The following NDC80 variants were observed in gnomAD, a reference collection of about 807,000 sequenced individuals.
NDC80 encodes the protein NDC80 kinetochore complex component, also known as kinetochore protein NDC80 homolog.
A neutral mutation model predicts 89.3 loss-of-function variants in NDC80; 69 were observed. The observed-to-expected ratio is 0.77, with a 90% confidence interval of 0.64 to 0.94. NDC80 has a LOEUF of 0.94. Among genes scored for constraint, NDC80 ranks in the 40% least tolerant of loss-of-function variants. The pLI, the probability that NDC80 is intolerant of heterozygous loss-of-function variation, is 0.00. For missense variants in NDC80, 593 were observed against 739.6 expected (o/e 0.80, Z 2.30); for synonymous variants, 243 against 255.6 (o/e 0.95, Z 0.47).
chr18:2,605,124 A>G (rs931000794), intron 13 of NDC80, among the ~76,000 whole-genome samples: 2 of 152,164 alleles, frequency 1.3e-5, no homozygotes, highest in Admixed American at 1.3e-4. Context: ...GCAGATGGGT[A>G]TGTGGTGATG....
At chr18:2,592,750 C>T (rs558066382) in intron 10 of NDC80, among the ~76,000 whole-genome samples, 1 of 152,198 alleles carries the variant, frequency 6.6e-6, no homozygotes, top group South Asian at 2.1e-4. Context: ...CATGAATTTG[C>T]TTTAAGTTCA....
intron 13 of NDC80, among the ~76,000 whole-genome samples, chr18:2,605,308 GTGTGTGTGTGTGTGTGTGTGTA>G (rs1376937633): frequency 4.1e-5 from 6 of 146,222 alleles, no homozygotes; most frequent in African/African-American, 1.6e-4. Context: ...GTGTGTGTGT[GTGTGTGTGTGTGTGTGTGTGTA>G]TGTACACAAT....
chr18:2,615,353 G>A (rs937531574), intron 16 of NDC80: 17 of 152,214 alleles, frequency 1.1e-4, no homozygotes, highest in Admixed American at 2.0e-4. Flanking sequence ...TAATCTTTCT[G>A]GGGCCTTTGC....
intron 6 of NDC80, among the ~76,000 whole-genome samples, chr18:2,580,161 T>G (rs2072569028): frequency 6.6e-6 from 1 of 152,112 alleles, no homozygotes. Flanking sequence ...CAGCTAATTT[T>G]TTCTTATTTA....
chr18:2,595,726 G>A, intron 11 of NDC80, 105 bp downstream of exon 11: 1 of 821,244 alleles, frequency 1.2e-6, no homozygotes, highest in South Asian at 1.9e-5. Context: ...GGCTTAAGAG[G>A]TAAAACATTA....
At chr18:2,577,689 T>G in intron 3 of NDC80, 57 bp from the exon 4 acceptor site, 5 of 1,590,458 alleles carry the variant, frequency 3.1e-6, no homozygotes, top group Non-Finnish European at 4.3e-6. Context: ...TGAAATAATT[T>G]AGACTTGATC....
At chr18:2,582,480 T>G (rs947103173) in intron 6 of NDC80, 7 of 152,366 alleles carry the variant, frequency 4.6e-5, no homozygotes, top group Middle Eastern at 6.8e-3. Flanking sequence ...CCATGGTGAT[T>G]ATTACTAAAA....
chr18:2,597,841 C>T (rs938106376), intron 11 of NDC80, among the ~76,000 whole-genome samples: 4 of 151,984 alleles, frequency 2.6e-5, no homozygotes, highest in Admixed American at 2.0e-4. Context: ...AAGTGGTTGC[C>T]CTGTCTGGCT....
intron 16 of NDC80, among the ~76,000 whole-genome samples, chr18:2,612,417 T>C (rs1394661537): frequency 1.3e-5 from 2 of 150,272 alleles, no homozygotes; most frequent in East Asian, 4.0e-4. Flanking sequence ...GCCTCCCAAG[T>C]AGCTGGGATT....
At chr18:2,603,293 G>T (rs1275439919) in intron 13 of NDC80, among the ~76,000 whole-genome samples, 1 of 148,994 alleles carries the variant, frequency 6.7e-6, no homozygotes, top group Non-Finnish European at 1.5e-5. Flanking sequence ...GAGATTCTGG[G>T]AAAAACTCTT....
At position 2,577,869 on chromosome 18, in the gene NDC80, G is replaced by A. The variant is rs746802300; in HGVS notation, c.303G>A (p.Glu101=). The A allele has an allele frequency of 6.2e-7, 1 of 1,613,292 alleles. No individual in the cohort carries two copies. The part of the protein sequence containing the change: ...FIQQCIRQLC[E]FLTENGYAHN... ...AGCAGTGTATTCGACAACTCTGTGA[G>A]GTACTTTAGGATTTTAATCTAAACT... Residue 101 remains glutamate (E), a splice_region_variant and synonymous_variant, in exon 4 of 17, where the codon GAG becomes GAA. Transcript: ENST00000261597.
intron 8 of NDC80, among the ~76,000 whole-genome samples, chr18:2,588,906 A>G (rs891720777): frequency 1.1e-4 from 16 of 152,138 alleles, no homozygotes; most frequent in African/African-American, 3.6e-4. Context: ...ATAGGATAAA[A>G]ACCTCTGCCC....
chr18:2,574,943 A>T, intron 2 of NDC80, 46 bp from the exon 3 acceptor site: 1 of 1,243,350 alleles, frequency 8.0e-7, no homozygotes, highest in Non-Finnish European at 1.1e-6. Context: ...TTCTTGAGCT[A>T]ATTTTAATTT....
chr18:2,608,912 T>G (rs1236499729), intron 15 of NDC80, 82 bp downstream of exon 15: 1 of 1,432,078 alleles, frequency 7.0e-7, no homozygotes, highest in Non-Finnish European at 9.5e-7. Flanking sequence ...CTATTTTTAT[T>G]TGCTTTAATT....
intron 6 of NDC80, chr18:2,582,702 A>G (rs1230820523): frequency 6.6e-6 from 1 of 152,212 alleles, no homozygotes; most frequent in Non-Finnish European, 1.5e-5. Flanking sequence ...CTTTTGCAGG[A>G]TGTATTGAGA....
chr18:2,610,398 T>C (rs2072736563), intron 15 of NDC80, among the ~76,000 whole-genome samples: 1 of 152,224 alleles, frequency 6.6e-6, no homozygotes, highest in South Asian at 2.1e-4. Context: ...TTGGTTTTAA[T>C]TTGAATTTGA....
At chr18:2,573,986 T>C (rs1030541968) in intron 2 of NDC80, among the ~76,000 whole-genome samples, 3 of 152,014 alleles carry the variant, frequency 2.0e-5, no homozygotes, top group Non-Finnish European at 2.9e-5. Context: ...GAAATCATAA[T>C]GTAGATAGGG....
chr18:2,590,571 T>C (rs375811335), intron 10 of NDC80, among the ~76,000 whole-genome samples: 1 of 152,236 alleles, frequency 6.6e-6, no homozygotes, highest in Admixed American at 6.5e-5. Flanking sequence ...AATATCTCCC[T>C]CTGCCTCTAT....
intron 15 of NDC80, among the ~76,000 whole-genome samples, chr18:2,610,201 C>T (rs960261187): frequency 2.0e-5 from 3 of 152,148 alleles, no homozygotes; most frequent in African/African-American, 7.2e-5. Context: ...AACAGTTAAT[C>T]CATAGGCTCC....
Sources: allele counts gnomAD v4.1 joint callset (sites outside exome capture counted in the v4.1 genomes callset), GRCh38; gene constraint gnomAD v4.1.1; transcripts MANE v1.5; gene names NCBI Gene and HGNC (gene_info 2026-07-23, HGNC 2026-07-21).